Variants in PRKCA observed in about 807,000 individuals in gnomAD.
PRKCA encodes the protein protein kinase C alpha, also known as protein kinase C alpha type.
Under a neutral mutation model 87.0 loss-of-function variants are expected in PRKCA, and 27 were observed. The observed-to-expected ratio is 0.31, with a 90% CI of 0.23 to 0.43. The LOEUF (loss-of-function observed/expected upper bound fraction) is 0.43, where lower values mean the gene tolerates loss of function less well. Among genes scored for constraint, PRKCA ranks in the 20% least tolerant of loss-of-function variants. PRKCA has a pLI of 1.00. For missense variants in PRKCA, 518 were observed against 852.3 expected (o/e 0.61, Z 4.88); for synonymous variants, 329 against 311.1 (o/e 1.06, Z -0.61).
intron 2 of PRKCA, among the ~76,000 whole-genome samples, chr17:66,370,805 C>T (rs1355375597): frequency 6.6e-6 from 1 of 152,006 alleles, no homozygotes; most frequent in Non-Finnish European, 1.5e-5. Context: ...CACTGCCCAT[C>T]CTATTTTTCT....
chr17:66,415,308 C>T (rs1912071805), intron 2 of PRKCA: 1 of 152,068 alleles, frequency 6.6e-6, no homozygotes, highest in African/African-American at 2.4e-5. Context: ...GACTTTTTCC[C>T]TCAGTGAACA....
intron 3 of PRKCA, among the ~76,000 whole-genome samples, chr17:66,584,850 C>CA (rs990030859): frequency 1.3e-5 from 2 of 152,162 alleles, no homozygotes; most frequent in Admixed American, 6.5e-5. Flanking sequence ...ATTACACCTG[C>CA]AAAAACCTTA....
intron 5 of PRKCA, among the ~76,000 whole-genome samples, chr17:66,657,056 G>C (rs879579268): frequency 1.3e-5 from 2 of 152,196 alleles, no homozygotes; most frequent in Admixed American, 1.3e-4. Context: ...GCTTGTAGGC[G>C]TTTCCAATTG....
rs1971299078 is a variant in PRKCA at position 66,641,608 on chromosome 17, G to C, written c.400+142G>C. 4 of 473,956 alleles carry C rather than the reference G, an allele frequency of 8.4e-6. No homozygotes were observed. The Admixed American group carries it at 1.6e-4, about 19-fold the overall frequency. 29.4% of individuals were successfully genotyped at this position (473,956 alleles called of 1,614,324 possible). A position where few individuals can be genotyped will look rare whatever the true frequency, so the allele number is the denominator to read the frequency against. On this transcript the variant is annotated intron_variant, in intron 4 of 16. Coordinates refer to ENST00000413366, the MANE Select transcript of PRKCA (RefSeq NM_002737.3). ...TTCAGATATCTACCAGACTGACAAAGTGTAGATTCTTCCACTGTCAAAGTT... is the reference window on the plus strand; with the variant it reads ...TTCAGATATCTACCAGACTGACAAACTGTAGATTCTTCCACTGTCAAAGTT...
intron 3 of PRKCA, among the ~76,000 whole-genome samples, chr17:66,562,138 T>TTATATAATTAAATTATATATATAATTAA (rs1567899794): frequency 0.021 from 369 of 17,448 alleles, 20 homozygotes; most frequent in African/African-American, 0.15. Context: ...ATAATTAAAT[T>TTATATAATTAAATTATATATATAATTAA]ATATATATAA....
At chr17:66,756,490 A>G (rs924076567) in intron 13 of PRKCA, among the ~76,000 whole-genome samples, 3 of 152,068 alleles carry the variant, frequency 2.0e-5, no homozygotes, top group African/African-American at 7.2e-5. Context: ...TTCATGTACT[A>G]CAGTTCCTTT....
intron 2 of PRKCA, among the ~76,000 whole-genome samples, chr17:66,407,281 C>A (rs1428265884): frequency 6.6e-6 from 1 of 151,684 alleles, no homozygotes; most frequent in African/African-American, 2.4e-5. Context: ...GGGGGCGGAT[C>A]CTTTGTGGAT....
At chr17:66,633,187 A>G (rs1971067395) in intron 3 of PRKCA, among the ~76,000 whole-genome samples, 1 of 152,186 alleles carries the variant, frequency 6.6e-6, no homozygotes, top group African/African-American at 2.4e-5. Flanking sequence ...ATGATACACA[A>G]TGTAATAATT....
At chr17:66,795,012 T>G (rs772040651) in intron 16 of PRKCA, among the ~76,000 whole-genome samples, 2 of 151,942 alleles carry the variant, frequency 1.3e-5, no homozygotes, top group Non-Finnish European at 2.9e-5. Context: ...TTACTTTTCA[T>G]TTTTTTTGCC....
At chr17:66,346,096 C>CTT (rs1166100613) in intron 2 of PRKCA, among the ~76,000 whole-genome samples, 5 of 133,326 alleles carry the variant, frequency 3.8e-5, no homozygotes, top group South Asian at 2.3e-4. Context: ...TCTTTTTTTG[C>CTT]TTTTTTTTTT....
chr17:66,741,620 G>A lies in PRKCA; in HGVS notation c.1323-39G>A, dbSNP rs1974160741. On this transcript the variant is annotated intron_variant, in intron 11 of 16. Coordinates refer to ENST00000413366, the MANE Select transcript of PRKCA (RefSeq NM_002737.3). ...AATGTAAAGTATACAGGCATCTAAG[G>A]AAGCAAGTGAGAAACCTGAAGCCCG... The A allele has an allele frequency of 3.1e-6, 5 of 1,604,974 alleles. No homozygotes were observed. The Admixed American group carries it at 8.3e-5, about 27-fold the overall frequency.
intron 2 of PRKCA, among the ~76,000 whole-genome samples, chr17:66,460,125 AAGTCTAACGGACT>A (rs1914777639): frequency 6.6e-6 from 1 of 152,282 alleles, no homozygotes; most frequent in Admixed American, 6.5e-5. Flanking sequence ...TTTTCTAAGT[AAGTCTAACGGACT>A]GGGCATTTGT....
At chr17:66,370,054 A>C (rs1232319054) in intron 2 of PRKCA, among the ~76,000 whole-genome samples, 1 of 152,190 alleles carries the variant, frequency 6.6e-6, no homozygotes, top group African/African-American at 2.4e-5. Context: ...CTGGGACAAC[A>C]GTCATAAACC....
At chr17:66,461,291 G>A (rs866799055) in intron 2 of PRKCA, among the ~76,000 whole-genome samples, 1 of 150,372 alleles carries the variant, frequency 6.7e-6, no homozygotes, top group Non-Finnish European at 1.5e-5. Context: ...TATTCAAGTT[G>A]CTAACATGTT....
At chr17:66,377,398 A>T (rs765850210) in intron 2 of PRKCA, among the ~76,000 whole-genome samples, 4 of 151,676 alleles carry the variant, frequency 2.6e-5, no homozygotes, top group Non-Finnish European at 5.9e-5. Context: ...AAGAAACAGG[A>T]ATTTACTTGT....
At chr17:66,576,873 C>CT (rs66875614) in intron 3 of PRKCA, among the ~76,000 whole-genome samples, 4,576 of 138,164 alleles carry the variant, frequency 0.033, 133 homozygotes, top group Admixed American at 0.072. Flanking sequence ...TGGTGATGTA[C>CT]TTTTTTTTTT....
In PRKCA at chr17:66,708,677, C is replaced by G. The variant is rs140947631; in HGVS notation, c.918+19630C>G. 3.3e-3 allele frequency among the ~76,000 whole-genome samples: 499 copies of G among 152,234 alleles called. 3 individuals are homozygous for G. The highest frequency in any genetic ancestry group is 0.011 in the African/African-American group (464 of 41,554). ...CCTCCTAAAGTCATGCCATATACTT[C>G]TCAGGGCATCCCAGCTACTCAATAC... is the stretch of plus-strand genomic sequence containing the variant. On this transcript the variant is annotated intron_variant, in intron 8 of 16. Transcript: ENST00000413366.
At chr17:66,473,061 G>A (rs1196397759) in intron 2 of PRKCA, among the ~76,000 whole-genome samples, 1 of 152,064 alleles carries the variant, frequency 6.6e-6, no homozygotes, top group Non-Finnish European at 1.5e-5. Context: ...CCCATGCCCT[G>A]CAGCCACCTC....
intron 4 of PRKCA, 107 bp downstream of exon 4, chr17:66,641,573 A>C (rs1029951801): frequency 3.1e-6 from 2 of 652,480 alleles, no homozygotes; most frequent in Non-Finnish European, 5.3e-6. Context: ...TCTTCAGTAG[A>C]GGGAATTAGT....
Sources: gnomAD v4.1 joint callset for allele counts (sites outside exome capture counted in the v4.1 genomes callset) on GRCh38, gnomAD v4.1.1 for gene constraint, MANE v1.5 for transcripts, NCBI Gene and HGNC (gene_info 2026-07-23, HGNC 2026-07-21) for gene names.